Variants in NMI observed in about 807,000 individuals in gnomAD.
The protein encoded by NMI is N-myc and STAT interactor.
NMI carries 39 observed loss-of-function variants against 34.3 expected under a neutral mutation model. The ratio of observed to expected loss-of-function variants is 1.14; its 90% CI spans 0.88 to 1.49. The LOEUF (loss-of-function observed/expected upper bound fraction) is 1.49. Ranked by LOEUF, NMI falls within the 40% of genes most tolerant of loss-of-function variation. The pLI is 0.00. For missense variants in NMI, 339 were observed against 358.1 expected (o/e 0.95, Z 0.43); for synonymous variants, 113 against 120.3 (o/e 0.94, Z 0.40).
intron 3 of NMI, among the ~76,000 whole-genome samples, chr2:151,280,881 C>T (rs1257743888): frequency 2.0e-5 from 3 of 151,172 alleles, no homozygotes; most frequent in African/African-American, 4.9e-5. Flanking sequence ...CTCGCTCTGT[C>T]GCCCAGGCTG....
At chr2:151,284,724 A>T (rs1001055543) in intron 1 of NMI, among the ~76,000 whole-genome samples, 2 of 152,236 alleles carry the variant, frequency 1.3e-5, no homozygotes, top group Admixed American at 6.5e-5. Context: ...AAACTCTCAG[A>T]TCAAAAATGG....
At chr2:151,283,087 G>C in intron 1 of NMI, 133 bp from the exon 2 acceptor site, 1 of 448,272 alleles carries the variant, frequency 2.2e-6, no homozygotes, top group East Asian at 3.8e-5. Context: ...CATCATCAAA[G>C]GCTTTATTAT....
rs574864248 is a variant in NMI at position 151,271,494 on chromosome 2, A to G, written c.741+132T>C. The G allele has an allele frequency of 1.8e-5, 12 of 663,864 alleles. No individual in the cohort carries two copies. In the East Asian group the frequency reaches 2.8e-4, roughly 16 times the overall value. The allele number at this position is 663,864 out of a possible 1,614,324, so 41.1% of individuals were successfully genotyped here. On this transcript the variant is annotated intron_variant, in intron 7 of 7. Transcript: ENST00000243346. Reference sequence around the variant, plus strand: ...CAAACTCATTTTGCACCAAGCAAAAATGAAGTAAAGAAACCATTTTGCTAT... The same window carrying G: ...CAAACTCATTTTGCACCAAGCAAAAGTGAAGTAAAGAAACCATTTTGCTAT...
chr2:151,285,003 C>T (rs1330604942), intron 1 of NMI, among the ~76,000 whole-genome samples: 2 of 152,164 alleles, frequency 1.3e-5, no homozygotes, highest in Non-Finnish European at 2.9e-5. Context: ...GAAACCAGGG[C>T]TCATTGGAGC....
chr2:151,281,628 A>C (rs1683406821), intron 3 of NMI, among the ~76,000 whole-genome samples: 1 of 152,188 alleles, frequency 6.6e-6, no homozygotes, highest in Non-Finnish European at 1.5e-5. Flanking sequence ...GCTTAATTTA[A>C]AGGGAAGCAT....
chr2:151,271,832 T>C (rs765637921), intron 6 of NMI, 100 bp from the exon 7 acceptor site: 68 of 620,724 alleles, frequency 1.1e-4, no homozygotes, highest in African/African-American at 3.8e-4. Context: ...ACAGTAAATA[T>C]TGAGTTAAAA....
chr2:151,273,476 T>C (rs990646245), intron 6 of NMI, among the ~76,000 whole-genome samples: 1 of 152,220 alleles, frequency 6.6e-6, no homozygotes, highest in Non-Finnish European at 1.5e-5. Flanking sequence ...GTATTATCTC[T>C]CACAGTAGAG....
chr2:151,282,009 T>G lies in NMI; in HGVS notation c.116A>C (p.Gln39Pro). 1 of 1,533,588 alleles carries G rather than the reference T, an allele frequency of 6.5e-7. No individual in the cohort carries two copies. The highest frequency in any genetic ancestry group is 1.4e-5 in the African/African-American group (1 of 73,098). 95.0% of individuals were successfully genotyped at this position (1,533,588 alleles called of 1,614,324 possible). The change falls in exon 3 of 8, where the codon CAA becomes CCA. Residue 39 changes from glutamine (Q) to proline (P), a missense_variant. Gln to Pro is a moderately conservative substitution (Grantham distance 76). Coordinates refer to ENST00000243346, the MANE Select transcript of NMI (RefSeq NM_004688.3). The stretch of plus-strand genomic sequence containing the variant: ...AAGCTTTTGGATCTCCTTCTTTAGT[T>G]GAATATTTTTCTTTGTAATTTCATC... ...LIDEITKKNI[Q>P]LKKEIQKLET...
In NMI at chr2:151,274,058, T is replaced by C. The variant is rs1273944749; in HGVS notation, c.634+1426A>G. The stretch of plus-strand genomic sequence containing the variant: ...CAAAAGCTCAGGTCAAAAATGCATA[T>C]TGGGCCAGGAGCGGCGGCTCATGCT... On this transcript the variant is annotated intron_variant, in intron 6 of 7. Transcript: ENST00000243346. Among the ~76,000 whole-genome samples the C allele has an allele frequency of 3.3e-5, 5 of 151,942 alleles. No individual in the cohort carries two copies. The East Asian group carries it at 9.8e-4, about 30-fold the overall frequency.
chr2:151,278,828 C>T lies in NMI; in HGVS notation c.340G>A (p.Val114Ile). ...TCATATTTTTTAACATTAGTCATAC[C>T]TTCTTCTTTTTCAAAGGTGATAAGT... The part of the protein sequence containing the change: ...QALITFEKEE[V>I]AQNVVSMSKH... The change falls in exon 4 of 8, where the codon GTT becomes ATT. Residue 114 changes from valine (V) to isoleucine (I), a missense_variant and splice_region_variant. Coordinates refer to ENST00000243346, the MANE Select transcript of NMI (RefSeq NM_004688.3). 6.2e-7 allele frequency: 1 copy of T among 1,611,632 alleles called. No homozygotes were observed. Among genetic ancestry groups the T allele is most frequent in the Non-Finnish European group, 8.5e-7 (1 of 1,178,428 alleles).
intron 3 of NMI, 124 bp downstream of exon 3, chr2:151,281,824 T>G (rs1332996195): frequency 6.1e-6 from 4 of 659,024 alleles, no homozygotes; most frequent in Non-Finnish European, 8.1e-6. Flanking sequence ...TTTTGAACTA[T>G]TACAAATGGT....
At chr2:151,275,438 G>T (rs1339043366) in intron 6 of NMI, 46 bp downstream of exon 6, 7 of 1,498,630 alleles carry the variant, frequency 4.7e-6, no homozygotes, top group South Asian at 1.1e-5. Context: ...AACAGAACAT[G>T]ACTGAAATGG....
At chr2:151,286,149 C>G (rs1419646254) in intron 1 of NMI, among the ~76,000 whole-genome samples, 1 of 152,056 alleles carries the variant, frequency 6.6e-6, no homozygotes, top group Non-Finnish European at 1.5e-5. Context: ...ATGAGATAAT[C>G]AAAGTAAATA....
At chr2:151,288,143 T>C (rs1683537576) in intron 1 of NMI, among the ~76,000 whole-genome samples, 1 of 152,200 alleles carries the variant, frequency 6.6e-6, no homozygotes, top group Admixed American at 6.5e-5. Flanking sequence ...CCCTCAAAGA[T>C]GTCCACATCT....
At chr2:151,271,225 A>G (rs748017531) in intron 7 of NMI, among the ~76,000 whole-genome samples, 1 of 152,184 alleles carries the variant, frequency 6.6e-6, no homozygotes, top group African/African-American at 2.4e-5. Context: ...TGGAGTAGGT[A>G]GATGGTGGTA....
chr2:151,270,497 A>G lies in NMI; in HGVS notation c.*196T>C, dbSNP rs11730. On this transcript the variant is annotated 3_prime_UTR_variant, in exon 8 of 8. Coordinates refer to ENST00000243346, the MANE Select transcript of NMI (RefSeq NM_004688.3). The stretch of plus-strand genomic sequence containing the variant: ...TAAACAAAACTTTTTATTACAGTGC[A>G]CTTATTGTAGTTGAAAACATGCAGC... 0.41 allele frequency: 232,520 copies of G among 563,072 alleles called. 52,132 individuals are homozygous for G. The highest frequency in any genetic ancestry group is 0.53 in the Admixed American group (15,773 of 29,812). The allele number at this position is 563,072 out of a possible 1,614,324, so 34.9% of individuals were successfully genotyped here.
At chr2:151,282,198 A>C (rs1327083680) in intron 2 of NMI, among the ~76,000 whole-genome samples, 155 bp from the exon 3 acceptor site, 1 of 152,212 alleles carries the variant, frequency 6.6e-6, no homozygotes, top group Non-Finnish European at 1.5e-5. Flanking sequence ...CATTTGTTGA[A>C]TATTTTACAT....
At chr2:151,287,263 G>A (rs2105213596) in intron 1 of NMI, among the ~76,000 whole-genome samples, 1 of 151,402 alleles carries the variant, frequency 6.6e-6, no homozygotes, top group Admixed American at 6.6e-5. Context: ...GATGCCTTGA[G>A]ACGATATATA....
In NMI at chr2:151,270,616, GA is replaced by G; in HGVS notation, c.*76del. The G allele has an allele frequency of 8.4e-7, 1 of 1,195,772 alleles. No homozygotes were observed. The highest frequency in any genetic ancestry group is 2.4e-5 in the East Asian group (1 of 40,962). The allele number at this position is 1,195,772 out of a possible 1,614,324, so 74.1% of individuals were successfully genotyped here. A position where few individuals can be genotyped will look rare whatever the true frequency, so the allele number is the denominator to read the frequency against. ...AAAATTAAAGTTTTCATTTTTTAAG[GA>G]AAAGCATATTCATTTTTGTCAAACA... On this transcript the variant is annotated 3_prime_UTR_variant, in exon 8 of 8. Coordinates refer to ENST00000243346, the MANE Select transcript of NMI (RefSeq NM_004688.3).
Sources: allele counts gnomAD v4.1 joint callset (sites outside exome capture counted in the v4.1 genomes callset), GRCh38; gene constraint gnomAD v4.1.1; transcripts MANE v1.5; gene names NCBI Gene and HGNC (gene_info 2026-07-23, HGNC 2026-07-21).